The following IQSEC1 variants were observed in gnomAD, a reference collection of about 807,000 sequenced individuals.
The protein encoded by IQSEC1 is IQ motif and Sec7 domain ArfGEF 1.
Under a neutral mutation model 91.0 loss-of-function variants are expected in IQSEC1, and 31 were observed. That is an observed-to-expected ratio of 0.34 (90% confidence interval 0.26 to 0.46). The LOEUF (loss-of-function observed/expected upper bound fraction) is 0.46, where lower values mean the gene tolerates loss of function less well. IQSEC1 is among the 20% of genes least tolerant of loss of function. The probability of loss-of-function intolerance (pLI) is 1.00; values close to 1 mark genes in which losing one functional copy is unlikely to be tolerated. For synonymous variants in IQSEC1, 699 were observed against 662.6 expected, an observed-to-expected ratio of 1.05 and a Z score of -0.84; for missense variants, 1,388 against 1,575.6, an observed-to-expected ratio of 0.88 and a Z score of 2.02.
chr3:12,930,543 T>TC (rs1697575753), intron 3 of IQSEC1, among the ~76,000 whole-genome samples: 1 of 152,084 alleles, frequency 6.6e-6, no homozygotes, highest in Non-Finnish European at 1.5e-5. Flanking sequence ...GGGAGGAGAA[T>TC]CTCTCTTCCT....
chr3:13,232,661 C>T (rs1368065486), intron 1 of IQSEC1, among the ~76,000 whole-genome samples: 1 of 152,120 alleles, frequency 6.6e-6, no homozygotes, highest in Non-Finnish European at 1.5e-5. Context: ...AGAGCCACAG[C>T]CTCATGGGCT....
At chr3:13,224,268 C>T (rs184869597) in intron 1 of IQSEC1, among the ~76,000 whole-genome samples, 1 of 152,210 alleles carries the variant, frequency 6.6e-6, no homozygotes, top group African/African-American at 2.4e-5. Flanking sequence ...GAGGTCCTGC[C>T]CGAACCCAGG....
rs1456088377 is a variant in IQSEC1 at position 13,282,010 on chromosome 3, C to T, written c.272+701G>A. The stretch of plus-strand genomic sequence containing the variant: ...CACTCATGGGAGGCAAACGGGAACC[C>T]GGCTGGCGGGCTGCGAGCCGGTAGG... On this transcript the variant is annotated intron_variant, in intron 1 of 15. Transcript: ENST00000648114. The surrounding 1 kb of genome is among the most constrained non-coding windows in gnomAD (Gnocchi z 6.4). Among the ~76,000 whole-genome samples, 1 of 152,198 alleles carries T rather than the reference C, an allele frequency of 6.6e-6. No homozygotes were observed. The highest frequency in any genetic ancestry group is 2.4e-5 in the African/African-American group (1 of 41,460).
intron 1 of IQSEC1, among the ~76,000 whole-genome samples, chr3:12,951,650 G>A (rs1699555866): frequency 6.6e-6 from 1 of 152,158 alleles, no homozygotes; most frequent in African/African-American, 2.4e-5. Context: ...ATGCCTGGCT[G>A]TTGACCAAAA....
chr3:12,945,851 C>G (rs1385396082), intron 1 of IQSEC1, among the ~76,000 whole-genome samples: 1 of 152,218 alleles, frequency 6.6e-6, no homozygotes, highest in African/African-American at 2.4e-5. Flanking sequence ...GCCATGGGCA[C>G]TCTAGGACTC....
At chr3:13,142,375 A>G (rs1706815670) in intron 2 of IQSEC1, among the ~76,000 whole-genome samples, 1 of 152,178 alleles carries the variant, frequency 6.6e-6, no homozygotes, top group African/African-American at 2.4e-5. Context: ...TTTCCTTTGG[A>G]AGCCACCCCA....
intron 1 of IQSEC1, among the ~76,000 whole-genome samples, chr3:13,006,203 C>T (rs775632396): frequency 7.2e-5 from 11 of 152,186 alleles, no homozygotes; most frequent in Non-Finnish European, 1.3e-4. Flanking sequence ...GGGCTACTTC[C>T]CCTCCCCTTG....
rs567858949 is a variant in IQSEC1 at position 12,965,892 on chromosome 3, G to T, written c.24-24027C>A. 1.1e-4 allele frequency among the ~76,000 whole-genome samples: 16 copies of T among 152,310 alleles called. No homozygotes were observed. The South Asian group carries it at 3.3e-3, about 32-fold the overall frequency. On this transcript the variant is annotated intron_variant, in intron 1 of 13. Transcript: ENST00000613206. ...AGACTGCTGGTTCCATGAGGACAAA[G>T]ACTCCATGTTTTGTTCACTGCTGTG...
intron 3 of IQSEC1, among the ~76,000 whole-genome samples, chr3:12,925,687 T>C (rs116566646): frequency 2.8e-3 from 423 of 152,338 alleles, no homozygotes; most frequent in African/African-American, 9.4e-3. Flanking sequence ...TGGCTCCAGC[T>C]TCTTGGTGCC....
chr3:13,047,870 C>T (rs1284217195), intron 1 of IQSEC1, among the ~76,000 whole-genome samples: 1 of 152,168 alleles, frequency 6.6e-6, no homozygotes, highest in African/African-American at 2.4e-5. Flanking sequence ...TTGACCTGAG[C>T]CACCATGCTC....
At chr3:13,189,723 C>T (rs1693990126) in intron 1 of IQSEC1, among the ~76,000 whole-genome samples, 1 of 152,220 alleles carries the variant, frequency 6.6e-6, no homozygotes, top group South Asian at 2.1e-4. Flanking sequence ...CCTGCCTCGC[C>T]ACTCTACCCT....
chr3:12,899,184 A>G lies in IQSEC1; in HGVS notation c.*1799T>C, dbSNP rs1251674316. 2 of 596,894 alleles carry G rather than the reference A, an allele frequency of 3.4e-6. No individual in the cohort carries two copies. Among genetic ancestry groups the G allele is most frequent in the Non-Finnish European group, 6.0e-6 (2 of 333,412 alleles). 37.0% of individuals were successfully genotyped at this position (596,894 alleles called of 1,614,324 possible). A position where few individuals can be genotyped will look rare whatever the true frequency, so the allele number is the denominator to read the frequency against. The stretch of plus-strand genomic sequence containing the variant: ...GGGTGGGAGGGATGTGAGGAGGGAA[A>G]TCGGCAAAACCCTGGCCAGCCAGCC... On this transcript the variant is annotated 3_prime_UTR_variant, in exon 14 of 14. Coordinates refer to ENST00000613206, the MANE Select transcript of IQSEC1 (RefSeq NM_001134382.3).
chr3:12,942,195 C>A (rs1419078590), intron 1 of IQSEC1, among the ~76,000 whole-genome samples: 2 of 152,236 alleles, frequency 1.3e-5, no homozygotes, highest in Non-Finnish European at 2.9e-5. Context: ...TCGCTGATCA[C>A]CCCCAGAGCC....
At chr3:13,073,745 G>C (rs546951764), upstream of IQSEC1, among the ~76,000 whole-genome samples, 90 of 152,332 alleles carry the variant, frequency 5.9e-4, no homozygotes, top group Non-Finnish European at 9.7e-4. Context: ...CGGAGCTCTC[G>C]GGGCTCTGGC....
At chr3:12,999,250 C>T (rs1482251064) in intron 1 of IQSEC1, among the ~76,000 whole-genome samples, 1 of 152,066 alleles carries the variant, frequency 6.6e-6, no homozygotes, top group African/African-American at 2.4e-5. Flanking sequence ...GATGCCATAC[C>T]AGCTCCAGAA....
At chr3:13,140,320 G>A (rs1314367615) in intron 2 of IQSEC1, among the ~76,000 whole-genome samples, 1 of 152,172 alleles carries the variant, frequency 6.6e-6, no homozygotes, top group Admixed American at 6.5e-5. Context: ...CCTCCTTTTT[G>A]CAGGGCACCT....
chr3:13,129,379 G>A (rs1269908130), intron 2 of IQSEC1, among the ~76,000 whole-genome samples: 1 of 152,050 alleles, frequency 6.6e-6, no homozygotes, highest in African/African-American at 2.4e-5. Context: ...TTTTCTTCTG[G>A]ATCGGTCTGA....
upstream of IQSEC1, among the ~76,000 whole-genome samples, chr3:13,073,801 G>T (rs754426855): frequency 2.0e-4 from 31 of 152,380 alleles, no homozygotes; most frequent in Middle Eastern, 3.4e-3. Flanking sequence ...TGCCACTGAA[G>T]GGCGATGAGA....
chr3:13,023,402 T>G lies in IQSEC1; in HGVS notation c.23+49590A>C, dbSNP rs117691895. ...AGGGATAATGACTCACGGATCAAGG[T>G]CAACACTCACAGATCTACTTTTCCC... On this transcript the variant is annotated intron_variant, in intron 1 of 13. Transcript: ENST00000613206. 7.8e-4 allele frequency among the ~76,000 whole-genome samples: 119 copies of G among 152,038 alleles called. 3 individuals are homozygous for G. The East Asian group carries it at 0.019, about 24-fold the overall frequency.
Sources: allele counts gnomAD v4.1 joint callset (sites outside exome capture counted in the v4.1 genomes callset), GRCh38; gene constraint gnomAD v4.1.1; non-coding constraint Gnocchi (gnomAD v3.1); transcripts MANE v1.5; gene names NCBI Gene and HGNC (gene_info 2026-07-23, HGNC 2026-07-21).